The following KCNMA1 variants were observed in gnomAD, a reference collection of about 807,000 sequenced individuals.
KCNMA1 encodes potassium calcium-activated channel subfamily M alpha 1.
Under a neutral mutation model 140.0 loss-of-function variants are expected in KCNMA1, and 29 were observed. The observed-to-expected ratio is 0.21, with a 90% CI of 0.15 to 0.28. The LOEUF (loss-of-function observed/expected upper bound fraction) is 0.28, where lower values mean the gene tolerates loss of function less well. Ranked by LOEUF, KCNMA1 falls within the 10% of genes least tolerant of loss-of-function variation. The pLI is 1.00. For missense variants in KCNMA1, 880 were observed against 1,602.2 expected, an observed-to-expected ratio of 0.55 and a Z score of 7.70; for synonymous variants, 612 against 611.9, an observed-to-expected ratio of 1.00 and a Z score of 0.00.
At chr10:76,872,216 G>GT (rs1203677116), downstream of KCNMA1, 3 of 152,206 alleles carry the variant, frequency 2.0e-5, no homozygotes, top group Non-Finnish European at 2.9e-5. Flanking sequence ...TGACATTCTA[G>GT]TAATTCAGGA....
intron 1 of KCNMA1, among the ~76,000 whole-genome samples, chr10:77,538,434 G>C (rs1567410969): frequency 6.6e-6 from 1 of 152,116 alleles, no homozygotes; most frequent in East Asian, 1.9e-4. Context: ...AACCCGCTTT[G>C]TCTGGGTCTC....
chr10:77,415,972 T>G (rs1011857813), intron 1 of KCNMA1, among the ~76,000 whole-genome samples: 2 of 152,238 alleles, frequency 1.3e-5, no homozygotes, highest in African/African-American at 4.8e-5. Flanking sequence ...AGCTGGCATT[T>G]GACAGTTTCT....
At chr10:77,582,775 T>C (rs1365235464) in intron 1 of KCNMA1, among the ~76,000 whole-genome samples, 1 of 152,214 alleles carries the variant, frequency 6.6e-6, no homozygotes, top group Non-Finnish European at 1.5e-5. Flanking sequence ...ACCTTGGTGG[T>C]GGAGGCCTTG....
In KCNMA1 at chr10:77,390,846, T is replaced by G. The variant is rs368507646; in HGVS notation, c.540+13016A>C. On this transcript the variant is annotated intron_variant, in intron 2 of 27. Coordinates refer to ENST00000286628, the MANE Select transcript of KCNMA1 (RefSeq NM_001161352.2). ...GTCCCCTGAAATGCCACTTTTTTTT[T>G]TGTGATTCAGCCTCTGTTTCAAGCT... Among the ~76,000 whole-genome samples the G allele has an allele frequency of 3.4e-4, 52 of 152,272 alleles. No individual in the cohort carries two copies. The South Asian group carries it at 5.6e-3, about 16-fold the overall frequency.
chr10:77,114,630 T>C (rs2097407430), intron 6 of KCNMA1, among the ~76,000 whole-genome samples: 1 of 152,210 alleles, frequency 6.6e-6, no homozygotes, highest in African/African-American at 2.4e-5. Flanking sequence ...TTCCCCATTC[T>C]TCAAAGCCCA....
intron 2 of KCNMA1, among the ~76,000 whole-genome samples, chr10:77,321,756 G>T (rs2082391795): frequency 6.6e-6 from 1 of 151,840 alleles, no homozygotes; most frequent in African/African-American, 2.4e-5. Flanking sequence ...TTTTTCTTCT[G>T]AGACTCAAAA....
At chr10:77,585,438 G>C (rs142646612) in intron 1 of KCNMA1, among the ~76,000 whole-genome samples, 20 of 152,294 alleles carry the variant, frequency 1.3e-4, no homozygotes, top group African/African-American at 3.1e-4. Flanking sequence ...TGGAGTAAGA[G>C]GAGTGAAGGT....
intron 19 of KCNMA1, among the ~76,000 whole-genome samples, chr10:76,992,631 C>A (rs2083108427): frequency 6.6e-6 from 1 of 152,198 alleles, no homozygotes. Flanking sequence ...GCATGCACAG[C>A]CTACCACCAT....
At chr10:76,899,088 G>A (rs945814360) in intron 25 of KCNMA1, among the ~76,000 whole-genome samples, 3 of 151,988 alleles carry the variant, frequency 2.0e-5, no homozygotes, top group Non-Finnish European at 2.9e-5. Flanking sequence ...AATAAGAATC[G>A]CTACTGTTTT....
intron 1 of KCNMA1, among the ~76,000 whole-genome samples, chr10:77,480,608 G>T (rs557419946): frequency 6.6e-6 from 1 of 152,216 alleles, no homozygotes; most frequent in South Asian, 2.1e-4. Context: ...TGCCCAGAAG[G>T]TGCTGCACAT....
chr10:77,409,131 T>C (rs1423458091), intron 1 of KCNMA1, among the ~76,000 whole-genome samples: 1 of 152,156 alleles, frequency 6.6e-6, no homozygotes, highest in Non-Finnish European at 1.5e-5. Flanking sequence ...GACTTTTTGT[T>C]GACATGGCCG....
At chr10:77,626,437 C>G (rs892465132) in intron 1 of KCNMA1, among the ~76,000 whole-genome samples, 1 of 152,198 alleles carries the variant, frequency 6.6e-6, no homozygotes, top group Non-Finnish European at 1.5e-5. Flanking sequence ...GTATATTAAG[C>G]TGTTGCCAGC....
Position 76,885,467 on chromosome 10 carries a change from TA to T in KCNMA1, c.*1798del. On this transcript the variant is annotated 3_prime_UTR_variant, in exon 28 of 28. Coordinates refer to ENST00000286628, the MANE Select transcript of KCNMA1 (RefSeq NM_001161352.2). ...CTGACTGAGCCTCACCATTTGTCAG[TA>T]AAAGTGCTTGTCAATTCACACAGCA... The T allele has an allele frequency of 2.0e-6, 2 of 985,214 alleles. No individual in the cohort carries two copies. Among genetic ancestry groups the T allele is most frequent in the Non-Finnish European group, 2.4e-6 (2 of 829,894 alleles). The allele number at this position is 985,214 out of a possible 1,614,324, so 61.0% of individuals were successfully genotyped here.
chr10:77,230,376 T>A (rs1299625557), intron 3 of KCNMA1, among the ~76,000 whole-genome samples: 1 of 152,234 alleles, frequency 6.6e-6, no homozygotes, highest in Non-Finnish European at 1.5e-5. Flanking sequence ...GATGGTTGCA[T>A]AACATTGTGA....
chr10:77,556,922 C>T (rs946662314), intron 1 of KCNMA1, among the ~76,000 whole-genome samples: 1 of 126,290 alleles, frequency 7.9e-6, no homozygotes, highest in Non-Finnish European at 1.7e-5. Context: ...TCTCCTAGGA[C>T]CCCTGCCAGG....
intron 19 of KCNMA1, among the ~76,000 whole-genome samples, chr10:76,988,147 G>A (rs544359537): frequency 3.4e-4 from 52 of 152,314 alleles, no homozygotes; most frequent in African/African-American, 1.3e-3. Flanking sequence ...AATTTCAAAT[G>A]TGCATATTGA....
At chr10:77,017,652 G>A (rs2092306231) in intron 17 of KCNMA1, among the ~76,000 whole-genome samples, 2 of 152,180 alleles carry the variant, frequency 1.3e-5, no homozygotes, top group Admixed American at 1.3e-4. Flanking sequence ...TGCTAGAGTG[G>A]ATGGGGAGGA....
intron 1 of KCNMA1, chr10:77,636,153 C>G (rs552344388): frequency 6.7e-5 from 92 of 1,368,360 alleles, no homozygotes; most frequent in Middle Eastern, 2.7e-4. Context: ...GCGTGAAGTC[C>G]CCTAGGATGG....
At chr10:77,073,348 G>A (rs1189514827) in intron 13 of KCNMA1, 96 bp from the exon 14 acceptor site, 1 of 1,258,780 alleles carries the variant, frequency 7.9e-7, no homozygotes, top group African/African-American at 1.5e-5. Flanking sequence ...AACCACTCAG[G>A]GCCATCCAGT....
Sources: gnomAD v4.1 joint callset for allele counts (sites outside exome capture counted in the v4.1 genomes callset) on GRCh38, gnomAD v4.1.1 for gene constraint, MANE v1.5 for transcripts, NCBI Gene and HGNC (gene_info 2026-07-23, HGNC 2026-07-21) for gene names.